TSHZ2: variants seen among roughly 807,000 people sequenced by gnomAD.
TSHZ2 encodes the protein teashirt zinc finger homeobox 2, also known as teashirt homolog 2.
In TSHZ2, 21 loss-of-function variants were observed where a neutral mutation model predicts 74.4. That is an observed-to-expected ratio of 0.28 (90% CI 0.20 to 0.41). TSHZ2 has a LOEUF of 0.41. TSHZ2 is among the 10% of genes least tolerant of loss of function. TSHZ2 has a pLI of 1.00. For synonymous variants in TSHZ2, 540 were observed against 515.3 expected, an observed-to-expected ratio of 1.05 and a Z score of -0.65; for missense variants, 1,244 against 1,293.5, an observed-to-expected ratio of 0.96 and a Z score of 0.59.
chr20:53,254,756 C>T lies in TSHZ2; in HGVS notation c.1298C>T (p.Ser433Phe), dbSNP rs780056613. ...PLAVEKMQSL[S>F]EAPNSDSLAP... is the part of the protein sequence containing the mutation. ...GCAGTGGAGAAAATGCAGTCGTTGTCTGAGGCCCCAAACAGTGATTCTCTG... is the reference window on the plus strand; with the variant it reads ...GCAGTGGAGAAAATGCAGTCGTTGTTTGAGGCCCCAAACAGTGATTCTCTG... Residue 433 changes from serine (S) to phenylalanine (F), a missense_variant, in exon 2 of 3, where the codon TCT (serine) becomes TTT (phenylalanine). Ser to Phe is a radical substitution (Grantham distance 155). Around this residue, in one of 6 missense-constraint regions of TSHZ2, gnomAD observed 562 missense variants for 544.0 expected, o/e 1.03. Coordinates refer to ENST00000371497, the MANE Select transcript of TSHZ2 (RefSeq NM_173485.6). 3 of 1,613,370 alleles carry T rather than the reference C, an allele frequency of 1.9e-6. No individual in the cohort carries two copies. The highest frequency in any genetic ancestry group is 2.5e-6 in the Non-Finnish European group (3 of 1,179,470).
At chr20:53,449,994 C>A (rs919049774) in intron 2 of TSHZ2, among the ~76,000 whole-genome samples, 2 of 152,274 alleles carry the variant, frequency 1.3e-5, no homozygotes, top group African/African-American at 4.8e-5. Flanking sequence ...TGGGTGGGAC[C>A]CTCTTAATGG....
intron 2 of TSHZ2, among the ~76,000 whole-genome samples, chr20:53,323,493 G>A (rs1979357037): frequency 6.7e-6 from 1 of 149,078 alleles, no homozygotes; most frequent in Admixed American, 6.7e-5. Context: ...TAAGTGAAAG[G>A]ATGACTTGGT....
At chr20:53,224,713 G>A (rs1053031528) in intron 1 of TSHZ2, among the ~76,000 whole-genome samples, 24 of 152,000 alleles carry the variant, frequency 1.6e-4, no homozygotes, top group African/African-American at 1.7e-4. Context: ...AGCTGGGTGC[G>A]GTGGTGGACA....
chr20:53,139,742 G>A (rs1987341491), intron 1 of TSHZ2, among the ~76,000 whole-genome samples: 1 of 152,138 alleles, frequency 6.6e-6, no homozygotes, highest in Non-Finnish European at 1.5e-5. Flanking sequence ...TAAATGCTAT[G>A]TGCAAAAAAC....
chr20:53,093,162 G>A (rs991198437), intron 1 of TSHZ2, among the ~76,000 whole-genome samples: 4 of 152,178 alleles, frequency 2.6e-5, no homozygotes, highest in African/African-American at 9.7e-5. Context: ...TAAGTAAAAT[G>A]GGACCAATTA....
chr20:53,418,890 G>T (rs1983367998), intron 2 of TSHZ2, among the ~76,000 whole-genome samples: 1 of 152,110 alleles, frequency 6.6e-6, no homozygotes, highest in Non-Finnish European at 1.5e-5. Context: ...AGCTAGGATG[G>T]TGTTTGGGTG....
intron 2 of TSHZ2, among the ~76,000 whole-genome samples, chr20:53,264,063 C>T (rs1990659183): frequency 6.6e-6 from 1 of 152,206 alleles, no homozygotes; most frequent in Non-Finnish European, 1.5e-5. Flanking sequence ...AAATCTTTTG[C>T]CTTCTACTAA....
intron 1 of TSHZ2, among the ~76,000 whole-genome samples, chr20:52,975,078 G>A (rs1981278547): frequency 6.6e-6 from 1 of 152,250 alleles, no homozygotes; most frequent in African/African-American, 2.4e-5. Flanking sequence ...CTGACAGCGT[G>A]TGGATGTGTT....
intron 2 of TSHZ2, among the ~76,000 whole-genome samples, chr20:53,389,318 A>T (rs1010237751): frequency 6.6e-6 from 1 of 152,222 alleles, no homozygotes; most frequent in Admixed American, 6.5e-5. Flanking sequence ...TAACTGGGTT[A>T]TGTGTAGTTT....
chr20:53,047,291 C>T (rs113825268), intron 1 of TSHZ2, among the ~76,000 whole-genome samples: 1,755 of 152,142 alleles, frequency 0.012, 39 homozygotes, highest in African/African-American at 0.04. Context: ...ATAAAAGTCT[C>T]GGTAAGTGGT....
intron 2 of TSHZ2, among the ~76,000 whole-genome samples, chr20:53,352,388 T>A (rs1980683151): frequency 6.6e-6 from 1 of 152,020 alleles, no homozygotes. Context: ...GAGGAAATAG[T>A]CTTATAAACT....
chr20:53,102,055 A>T (rs980482249), intron 1 of TSHZ2, among the ~76,000 whole-genome samples: 2 of 152,172 alleles, frequency 1.3e-5, no homozygotes, highest in African/African-American at 4.8e-5. Context: ...ATTATTTCAA[A>T]TTCTATTCAA....
intron 2 of TSHZ2, among the ~76,000 whole-genome samples, chr20:53,382,497 C>G (rs1339008198): frequency 6.6e-6 from 1 of 152,152 alleles, no homozygotes; most frequent in Non-Finnish European, 1.5e-5. Context: ...CAAGATTATC[C>G]CACCATATGA....
At chr20:53,404,474 C>T (rs1416277612) in intron 2 of TSHZ2, among the ~76,000 whole-genome samples, 1 of 152,150 alleles carries the variant, frequency 6.6e-6, no homozygotes, top group African/African-American at 2.4e-5. Context: ...AGTGCAAGTA[C>T]TAAAAGACAC....
At chr20:53,350,654 G>A (rs970671678) in intron 2 of TSHZ2, among the ~76,000 whole-genome samples, 1 of 152,146 alleles carries the variant, frequency 6.6e-6, no homozygotes. Context: ...TTCTGTTCTC[G>A]TATGTTTTTG....
chr20:52,979,145 C>T (rs1025279286), intron 1 of TSHZ2, among the ~76,000 whole-genome samples: 5 of 152,068 alleles, frequency 3.3e-5, no homozygotes, highest in African/African-American at 1.2e-4. Context: ...ATTTACATGC[C>T]TCTAACATGT....
chr20:53,463,135 T>G (rs1310671188), intron 2 of TSHZ2, among the ~76,000 whole-genome samples: 2 of 152,230 alleles, frequency 1.3e-5, no homozygotes, highest in Admixed American at 1.3e-4. Flanking sequence ...GGCTCTGGAT[T>G]GTACATAAGA....
chr20:53,069,803 A>G (rs1226820922), intron 1 of TSHZ2, among the ~76,000 whole-genome samples: 2 of 152,038 alleles, frequency 1.3e-5, no homozygotes, highest in Non-Finnish European at 2.9e-5. Flanking sequence ...TGGATGCTTG[A>G]AAAAAAGATG....
At chr20:53,202,131 T>C (rs1234533722) in intron 1 of TSHZ2, among the ~76,000 whole-genome samples, 1 of 152,182 alleles carries the variant, frequency 6.6e-6, no homozygotes, top group East Asian at 1.9e-4. Context: ...CTCCAAGCAT[T>C]TCTTTTGCTG....
Sources: gnomAD v4.1 joint callset for allele counts (sites outside exome capture counted in the v4.1 genomes callset) on GRCh38, gnomAD v4.1.1 for gene constraint, gnomAD v4.1.1 regional missense constraint, MANE v1.5 for transcripts, NCBI Gene and HGNC (gene_info 2026-07-23, HGNC 2026-07-21) for gene names.